The following NUP205 variants were observed in gnomAD, a reference collection of about 807,000 sequenced individuals.
NUP205 encodes the protein nucleoporin 205.
In NUP205, 76 loss-of-function variants were observed where a neutral mutation model predicts 253.8. That is an observed-to-expected ratio of 0.30 (90% CI 0.25 to 0.36). The LOEUF is 0.36. Ranked by LOEUF, NUP205 falls within the 10% of genes least tolerant of loss-of-function variation. NUP205 has a pLI of 1.00. For missense variants in NUP205, 2,162 were observed against 2,425.5 expected (o/e 0.89, Z 2.28); for synonymous variants, 832 against 850.1 (o/e 0.98, Z 0.37).
rs1209132016 is a variant in NUP205, at chr7:135,589,368, C to T, written c.1473+1376C>T. The stretch of plus-strand genomic sequence containing the variant: ...TGGCGCAATCTCAGCTCACCCCAAC[C>T]TCCTCTGCCTCCCAGATTCAAGCGA... On this transcript the variant is annotated intron_variant, in intron 10 of 42. Transcript: ENST00000285968. 2.0e-5 allele frequency among the ~76,000 whole-genome samples: 3 copies of T among 150,614 alleles called. 1 individual carries two copies. Among genetic ancestry groups the T allele is most frequent in the African/African-American group, 7.3e-5 (3 of 40,876 alleles).
In NUP205 at chr7:135,612,483, G is replaced by A. The variant is rs531465805; in HGVS notation, c.3196-1676G>A. On this transcript the variant is annotated intron_variant, in intron 22 of 42. Coordinates refer to ENST00000285968, the MANE Select transcript of NUP205 (RefSeq NM_015135.3). ...ACAGCCTTTTTGCACTTAGGGACAA[G>A]GCAGCATTTCAGCACTATGCTTGGG... Among the ~76,000 whole-genome samples, 2 of 152,290 alleles carry A rather than the reference G, an allele frequency of 1.3e-5. 1 individual carries two copies. Among genetic ancestry groups the A allele is most frequent in the East Asian group, 3.9e-4 (2 of 5,192 alleles).
rs373874877 is a variant in NUP205 at position 135,585,967 on chromosome 7, A to T, written c.1218+960A>T. Among the ~76,000 whole-genome samples the T allele has an allele frequency of 9.5e-4, 145 of 152,338 alleles. 2 individuals carry two copies. The South Asian group carries it at 0.028, about 30-fold the overall frequency. On this transcript the variant is annotated intron_variant, in intron 8 of 42. Transcript: ENST00000285968. ...ATAGATAGCTTGAGCTGTAACTGTC[A>T]TCTGAAAAGCGATTCTTAGAGCTAT... is the stretch of plus-strand genomic sequence containing the variant.
In NUP205 at chr7:135,637,930, G is replaced by A. The variant is rs138244608; in HGVS notation, c.5137-1G>A. ...TTAACAAGATATCTTTTTCTTGTTAGCGCCAGTGCTTAGGACTACTAAGTC... is the reference window on the plus strand; with the variant it reads ...TTAACAAGATATCTTTTTCTTGTTAACGCCAGTGCTTAGGACTACTAAGTC... On this transcript the variant is annotated splice_acceptor_variant, in intron 36 of 42. Transcript: ENST00000285968. LOFTEE classifies it high-confidence loss of function. 1.2e-6 allele frequency: 2 copies of A among 1,601,612 alleles called. No homozygotes were observed. Among genetic ancestry groups the A allele is most frequent in the Non-Finnish European group, 1.7e-6 (2 of 1,176,628 alleles).
chr7:135,610,515 C>T (rs151335406), intron 22 of NUP205, among the ~76,000 whole-genome samples: 32 of 152,236 alleles, frequency 2.1e-4, no homozygotes, highest in East Asian at 7.7e-4. Flanking sequence ...CCACCGTGCC[C>T]GGCCATAACA....
At position 135,617,080 on chromosome 7, in the gene NUP205, T is replaced by C; in HGVS notation, c.3533-10T>C. ...CCAAGTAAAATCAAATTACTTTTTA[T>C]TATTTCTAGTACGTCGAAAAATTCT... is the stretch of plus-strand genomic sequence containing the variant. On this transcript the variant is annotated splice_polypyrimidine_tract_variant and intron_variant, in intron 25 of 42. Transcript: ENST00000285968. 3 of 1,591,600 alleles carry C rather than the reference T, an allele frequency of 1.9e-6. No individual in the cohort carries two copies. Among genetic ancestry groups the C allele is most frequent in the Non-Finnish European group, 2.6e-6 (3 of 1,168,596 alleles).
At chr7:135,597,958 T>G (rs1159639164) in intron 14 of NUP205, 40 bp from the exon 15 acceptor site, 14 of 1,501,586 alleles carry the variant, frequency 9.3e-6, no homozygotes, top group Non-Finnish European at 1.3e-5. Context: ...TCATAGCTAA[T>G]AGTTTTTATT....
At chr7:135,625,086 A>G in intron 31 of NUP205, 78 bp from the exon 32 acceptor site, 2 of 1,049,546 alleles carry the variant, frequency 1.9e-6, no homozygotes, top group Non-Finnish European at 1.4e-6. Flanking sequence ...TTCATATCTG[A>G]TGTCAGATAA....
chr7:135,628,876 A>G (rs1200637823), intron 34 of NUP205, among the ~76,000 whole-genome samples: 1 of 152,234 alleles, frequency 6.6e-6, no homozygotes, highest in Non-Finnish European at 1.5e-5. Context: ...TATCATAGCA[A>G]TCTGGGTTGA....
chr7:135,617,518 G>T lies in NUP205; in HGVS notation c.3691-84G>T, dbSNP rs966221271. On this transcript the variant is annotated intron_variant, in intron 26 of 42. Coordinates refer to ENST00000285968, the MANE Select transcript of NUP205 (RefSeq NM_015135.3). ...AAGGTATCTGACACCTTTCCCTTTA[G>T]GGCAGTTTATGGTAATTGCTAGGTG... 2.9e-5 allele frequency: 30 copies of T among 1,017,464 alleles called. No individual in the cohort carries two copies. The African/African-American group carries it at 4.6e-4, about 16-fold the overall frequency. The allele number at this position is 1,017,464 out of a possible 1,614,324, so 63.0% of individuals were successfully genotyped here. A position where few individuals can be genotyped will look rare whatever the true frequency, so the allele number is the denominator to read the frequency against.
At position 135,597,169 on chromosome 7, in the gene NUP205, C is replaced by G. The variant is rs868195276; in HGVS notation, c.2014-199C>G. On this transcript the variant is annotated intron_variant, in intron 13 of 42. Transcript: ENST00000285968. ...TAGAAACTACCAATTTTCAGAACCCCAGACAGTCAAAAGTTCTATCTCAAC... is the reference window on the plus strand; with the variant it reads ...TAGAAACTACCAATTTTCAGAACCCGAGACAGTCAAAAGTTCTATCTCAAC... The G allele has an allele frequency of 8.2e-6, 4 of 488,586 alleles. No individual in the cohort carries two copies. The South Asian group carries it at 1.6e-4, about 20-fold the overall frequency. The allele number at this position is 488,586 out of a possible 1,614,324, so 30.3% of individuals were successfully genotyped here. A position where few individuals can be genotyped will look rare whatever the true frequency, so the allele number is the denominator to read the frequency against.
rs1437882299 is a variant in NUP205 at position 135,578,158 on chromosome 7, G to T, written c.877+134G>T. ...CTGTGTTTGCAGTCCGTTCATATTTGAATATTTATATATAAGATCACATTT... is the reference window on the plus strand; with the variant it reads ...CTGTGTTTGCAGTCCGTTCATATTTTAATATTTATATATAAGATCACATTT... On this transcript the variant is annotated intron_variant, in intron 6 of 42. Coordinates refer to ENST00000285968, the MANE Select transcript of NUP205 (RefSeq NM_015135.3). 15 of 603,292 alleles carry T rather than the reference G, an allele frequency of 2.5e-5. No individual in the cohort carries two copies. The East Asian group carries it at 4.3e-4, about 17-fold the overall frequency. 37.4% of individuals were successfully genotyped at this position (603,292 alleles called of 1,614,324 possible).
At chr7:135,563,783 A>C (rs1235181587) in intron 1 of NUP205, among the ~76,000 whole-genome samples, 1 of 152,038 alleles carries the variant, frequency 6.6e-6, no homozygotes, top group Non-Finnish European at 1.5e-5. Context: ...CCAGGAGTTC[A>C]AGGCAAGCCT....
intron 22 of NUP205, among the ~76,000 whole-genome samples, 165 bp downstream of exon 22, chr7:135,607,536 C>G (rs1276873053): frequency 6.6e-6 from 1 of 152,184 alleles, no homozygotes. Context: ...AGCACAAACC[C>G]CAAGTTCTTA....
At chr7:135,647,309 T>G (rs79659548) in intron 42 of NUP205, among the ~76,000 whole-genome samples, 4,108 of 152,250 alleles carry the variant, frequency 0.027, 85 homozygotes, top group Middle Eastern at 0.099. Context: ...TAAAACAAGG[T>G]TGGGAATGAA....
chr7:135,607,071 G>GA (rs2129490728), intron 21 of NUP205, among the ~76,000 whole-genome samples, 156 bp downstream of exon 21: 1 of 152,328 alleles, frequency 6.6e-6, no homozygotes, highest in East Asian at 1.9e-4. Flanking sequence ...CTTAGAACAA[G>GA]ACTGGACAAA....
intron 10 of NUP205, among the ~76,000 whole-genome samples, chr7:135,588,253 G>A (rs974754399): frequency 2.8e-5 from 4 of 142,116 alleles, no homozygotes; most frequent in East Asian, 3.9e-4. Flanking sequence ...TGATCCTCCC[G>A]CCTCAGCCCC....
At chr7:135,613,234 A>G (rs757726733) in intron 22 of NUP205, among the ~76,000 whole-genome samples, 33 of 151,672 alleles carry the variant, frequency 2.2e-4, no homozygotes, top group Non-Finnish European at 4.7e-4. Context: ...CATATGGGCT[A>G]CTTTTACCAT....
chr7:135,571,871 C>G (rs1806006733), intron 2 of NUP205, among the ~76,000 whole-genome samples: 1 of 152,130 alleles, frequency 6.6e-6, no homozygotes. Flanking sequence ...ATTTTCTTTT[C>G]TAGATATTTT....
chr7:135,591,632 T>C, intron 11 of NUP205, 32 bp downstream of exon 11: 5 of 1,597,698 alleles, frequency 3.1e-6, no homozygotes, highest in Non-Finnish European at 3.4e-6. Context: ...TTAAAGTTTG[T>C]TGTTATACTC....
Sources: gnomAD v4.1 joint callset for allele counts (sites outside exome capture counted in the v4.1 genomes callset) on GRCh38, gnomAD v4.1.1 for gene constraint, MANE v1.5 for transcripts, NCBI Gene and HGNC (gene_info 2026-07-23, HGNC 2026-07-21) for gene names.